Variants in NOX4 observed in about 807,000 individuals in gnomAD.
NOX4 encodes NADPH oxidase 4.
NOX4 carries 69 observed loss-of-function variants against 87.6 expected under a neutral mutation model. The ratio of observed to expected loss-of-function variants is 0.79; its 90% CI spans 0.65 to 0.96. The LOEUF (loss-of-function observed/expected upper bound fraction) is 0.96. Ranked by LOEUF, NOX4 falls within the 40% of genes least tolerant of loss-of-function variation. The pLI is 0.00. For synonymous variants in NOX4, 275 were observed against 238.2 expected, an observed-to-expected ratio of 1.15 and a Z score of -1.42; for missense variants, 680 against 681.5, an observed-to-expected ratio of 1.00 and a Z score of 0.02.
chr11:89,396,581 G>A (rs773977597), intron 11 of NOX4, among the ~76,000 whole-genome samples: 11 of 152,018 alleles, frequency 7.2e-5, no homozygotes, highest in South Asian at 2.1e-4. Context: ...CCCATCTCAC[G>A]TGCAGAGATG....
chr11:89,576,833 T>C, the NOX4 span: 16 of 152,170 alleles, frequency 1.1e-4, no homozygotes, highest in Non-Finnish European at 2.1e-4. Flanking sequence ...TGGAGCTATA[T>C]ATGATTAAAA....
At chr11:89,583,372 T>G in the NOX4 span, among the ~76,000 whole-genome samples, 2 of 152,154 alleles carry the variant, frequency 1.3e-5, no homozygotes, top group Non-Finnish European at 2.9e-5. Flanking sequence ...ACTTTAGAGG[T>G]CAGCAATAAT....
intron 7 of NOX4, among the ~76,000 whole-genome samples, chr11:89,426,451 G>T (rs146698116): frequency 2.0e-5 from 3 of 151,928 alleles, no homozygotes; most frequent in African/African-American, 7.3e-5. Flanking sequence ...AGCGCAAGGG[G>T]TCAAGGAATT....
chr11:89,522,627 C>CTG, the NOX4 span, among the ~76,000 whole-genome samples: 1 of 151,942 alleles, frequency 6.6e-6, no homozygotes, highest in South Asian at 2.1e-4. Context: ...GCACATATAT[C>CTG]CCCTGAATCC....
rs909331908 is a variant in NOX4 at position 89,460,459 on chromosome 11, T to G, written c.154-8564A>C. Among the ~76,000 whole-genome samples, 11 of 151,736 alleles carry G rather than the reference T, an allele frequency of 7.2e-5. No homozygotes were observed. In the South Asian group the frequency reaches 1.2e-3, roughly 17 times the overall value. ...GAATCTACGATGAACTCAAACAAAT[T>G]TACAAGAAAAAAACAACCCCATCAA... On this transcript the variant is annotated intron_variant, in intron 2 of 17. Transcript: ENST00000263317.
intron 17 of NOX4, among the ~76,000 whole-genome samples, chr11:89,332,208 A>AACTG (rs201664845): frequency 0.24 from 37,077 of 151,386 alleles, 9,807 homozygotes; most frequent in African/African-American, 0.67. Flanking sequence ...GATCCAGGAG[A>AACTG]AGTCACTTGA....
the NOX4 span, among the ~76,000 whole-genome samples, chr11:89,568,921 C>A: frequency 6.6e-6 from 1 of 152,122 alleles, no homozygotes; most frequent in Non-Finnish European, 1.5e-5. Flanking sequence ...GGTAAATGGA[C>A]TCCCTATTTA....
chr11:89,340,125 C>A lies in NOX4; in HGVS notation c.1384G>T (p.Val462Leu), dbSNP rs374648664. 4 of 1,588,098 alleles carry A rather than the reference C, an allele frequency of 2.5e-6. No homozygotes were observed. The African/African-American group carries it at 4.1e-5, about 16-fold the overall frequency. Residue 462 changes from valine (V) to leucine (L), a missense_variant, in exon 15 of 18, where the codon GTA becomes TTA. By Grantham distance (32) the Val-to-Leu change is conservative. Coordinates refer to ENST00000263317, the MANE Select transcript of NOX4 (RefSeq NM_016931.5). ...YKLRRLYFIWVCRDIQSFRWF... is the reference protein window; with the variant it reads ...YKLRRLYFIWLCRDIQSFRWF... ...CGGAAGGACTGGATATCTCTGCATACCCAAATAAAGTATAGTCTTCTAAGC... is the reference window on the plus strand; with the variant it reads ...CGGAAGGACTGGATATCTCTGCATAACCAAATAAAGTATAGTCTTCTAAGC...
intron 2 of NOX4, among the ~76,000 whole-genome samples, chr11:89,464,104 G>A (rs1257855694): frequency 6.6e-6 from 1 of 151,998 alleles, no homozygotes; most frequent in Non-Finnish European, 1.5e-5. Context: ...GAGATTCAAT[G>A]CTTTAAAGAA....
At chr11:89,472,278 A>AT (rs1180149277) in intron 2 of NOX4, among the ~76,000 whole-genome samples, 1 of 152,088 alleles carries the variant, frequency 6.6e-6, no homozygotes, top group Non-Finnish European at 1.5e-5. Context: ...ATCCCAGCTC[A>AT]TTTCTGTTAA....
chr11:89,430,749 G>T (rs1338469482), intron 7 of NOX4, among the ~76,000 whole-genome samples: 1 of 152,152 alleles, frequency 6.6e-6, no homozygotes, highest in African/African-American at 2.4e-5. Flanking sequence ...GGGATAGGAA[G>T]AATCAATATC....
At chr11:89,420,180 T>C (rs1269513927) in intron 8 of NOX4, among the ~76,000 whole-genome samples, 2 of 152,162 alleles carry the variant, frequency 1.3e-5, no homozygotes, top group East Asian at 3.9e-4. Flanking sequence ...TTAATCTTTC[T>C]AAACATCAGT....
intron 4 of NOX4, 85 bp from the exon 5 acceptor site, chr11:89,444,317 A>C: frequency 9.6e-7 from 1 of 1,046,964 alleles, no homozygotes; most frequent in Non-Finnish European, 1.5e-6. Context: ...CCCTAAGTAA[A>C]TACAGGGCCA....
the NOX4 span, among the ~76,000 whole-genome samples, chr11:89,554,258 T>C: frequency 1.3e-5 from 2 of 152,134 alleles, no homozygotes; most frequent in Non-Finnish European, 2.9e-5. Flanking sequence ...ACTGTGGTCC[T>C]ACCACTATTG....
At chr11:89,367,629 T>C (rs1591038449) in intron 12 of NOX4, among the ~76,000 whole-genome samples, 1 of 152,222 alleles carries the variant, frequency 6.6e-6, no homozygotes, top group South Asian at 2.1e-4. Flanking sequence ...CACTAAAAAA[T>C]CTTTAATGTG....
chr11:89,363,130 T>C lies in NOX4; in HGVS notation c.1136-8087A>G, dbSNP rs188552174. The stretch of plus-strand genomic sequence containing the variant: ...AGTGCTAAAGGTATGCTCTGAGAGT[T>C]TGGAATAGAACAGTCAACTTAGCCT... On this transcript the variant is annotated intron_variant, in intron 12 of 17. Coordinates refer to ENST00000263317, the MANE Select transcript of NOX4 (RefSeq NM_016931.5). Among the ~76,000 whole-genome samples the C allele has an allele frequency of 5.3e-5, 8 of 152,148 alleles. No homozygotes were observed. The South Asian group carries it at 1.5e-3, about 28-fold the overall frequency.
At chr11:89,553,416 G>A in the NOX4 span, among the ~76,000 whole-genome samples, 7 of 152,020 alleles carry the variant, frequency 4.6e-5, no homozygotes. Flanking sequence ...AGTTTCCTGA[G>A]GCCTTCCCAG....
intron 11 of NOX4, among the ~76,000 whole-genome samples, chr11:89,374,633 G>T (rs1255203470): frequency 1.3e-5 from 2 of 152,134 alleles, no homozygotes; most frequent in Admixed American, 6.6e-5. Flanking sequence ...TTGGATCCAG[G>T]TCTCTTAATT....
At chr11:89,554,204 CG>C in the NOX4 span, among the ~76,000 whole-genome samples, 1 of 151,518 alleles carries the variant, frequency 6.6e-6, no homozygotes, top group Admixed American at 6.6e-5. Flanking sequence ...ATGGATCTAG[CG>C]TTTTAAAATT....
Sources: gnomAD v4.1 joint callset for allele counts (sites outside exome capture counted in the v4.1 genomes callset) on GRCh38, gnomAD v4.1.1 for gene constraint, MANE v1.5 for transcripts, NCBI Gene and HGNC (gene_info 2026-07-23, HGNC 2026-07-21) for gene names.